RHAG: variants seen among roughly 807,000 people sequenced by gnomAD.
The protein encoded by RHAG is ammonium transporter Rh type A.
Under a neutral mutation model 42.4 loss-of-function variants are expected in RHAG, and 25 were observed. The observed-to-expected ratio is 0.59, with a 90% confidence interval of 0.43 to 0.82. The LOEUF is 0.82. Ranked by LOEUF, RHAG falls within the 40% of genes least tolerant of loss-of-function variation. The probability of loss-of-function intolerance (pLI) is 0.00; values close to 1 mark genes in which losing one functional copy is unlikely to be tolerated. For missense variants in RHAG, 483 were observed against 504.6 expected, an observed-to-expected ratio of 0.96 and a Z score of 0.41; for synonymous variants, 182 against 177.7, an observed-to-expected ratio of 1.02 and a Z score of -0.19.
intron 1 of RHAG, among the ~76,000 whole-genome samples, chr6:49,631,455 C>T (rs1762935323): frequency 6.6e-6 from 1 of 152,128 alleles, no homozygotes; most frequent in Non-Finnish European, 1.5e-5. Flanking sequence ...TTTCTATGGG[C>T]TTATTGAATC....
At chr6:49,611,851 C>T (rs1307759182) in intron 6 of RHAG, among the ~76,000 whole-genome samples, 1 of 151,756 alleles carries the variant, frequency 6.6e-6, no homozygotes, top group Non-Finnish European at 1.5e-5. Context: ...AAGTGATTCT[C>T]CTGCCTTAGC....
intron 5 of RHAG, 39 bp downstream of exon 5, chr6:49,614,648 G>A: frequency 6.2e-7 from 1 of 1,602,682 alleles, no homozygotes; most frequent in Non-Finnish European, 8.5e-7. Context: ...TGTCAGTGTT[G>A]TGAAGCAAAA....
intron 1 of RHAG, among the ~76,000 whole-genome samples, chr6:49,624,271 T>A (rs1350761524): frequency 6.6e-6 from 1 of 152,294 alleles, no homozygotes; most frequent in African/African-American, 2.4e-5. Context: ...AGTGGCGCAA[T>A]CTCGGCTCAC....
chr6:49,614,244 G>C (rs950287194), intron 5 of RHAG, among the ~76,000 whole-genome samples: 3 of 150,996 alleles, frequency 2.0e-5, no homozygotes, highest in Non-Finnish European at 4.4e-5. Flanking sequence ...CTAGTCTGGA[G>C]TGCAATGGCA....
At chr6:49,610,909 G>T in intron 7 of RHAG, 115 bp downstream of exon 7, 1 of 1,304,974 alleles carries the variant, frequency 7.7e-7, no homozygotes, top group Non-Finnish European at 1.1e-6. Context: ...TTTGGCTCCA[G>T]TAAAGACAAT....
intron 1 of RHAG, among the ~76,000 whole-genome samples, chr6:49,631,093 C>T (rs1170825819): frequency 6.6e-6 from 1 of 152,090 alleles, no homozygotes; most frequent in African/African-American, 2.4e-5. Context: ...TTGTGTACTT[C>T]CCACTAGATC....
intron 1 of RHAG, among the ~76,000 whole-genome samples, chr6:49,623,367 A>G (rs1387728946): frequency 6.6e-6 from 1 of 152,198 alleles, no homozygotes; most frequent in Non-Finnish European, 1.5e-5. Flanking sequence ...GGATTATTGC[A>G]TTATCATTTA....
At chr6:49,631,900 G>A (rs1188146644) in intron 1 of RHAG, 1 of 152,204 alleles carries the variant, frequency 6.6e-6, no homozygotes, top group Non-Finnish European at 1.5e-5. Flanking sequence ...TTACACAGTA[G>A]AAATCAGCTA....
chr6:49,628,258 C>T (rs1397201622), intron 1 of RHAG, among the ~76,000 whole-genome samples: 1 of 151,946 alleles, frequency 6.6e-6, no homozygotes, highest in African/African-American at 2.4e-5. Context: ...CTCCTGCCTC[C>T]GCCTCCTGAG....
intron 7 of RHAG, among the ~76,000 whole-genome samples, chr6:49,608,847 T>G (rs1200316573): frequency 6.6e-6 from 1 of 152,178 alleles, no homozygotes; most frequent in African/African-American, 2.4e-5. Context: ...TGATTATGAG[T>G]GAAGTTGAGT....
chr6:49,606,266 A>C (rs1774162065), intron 9 of RHAG, among the ~76,000 whole-genome samples: 1 of 152,116 alleles, frequency 6.6e-6, no homozygotes, highest in Middle Eastern at 3.2e-3. Context: ...ATTATGTTAA[A>C]TTTCTTTTGT....
At chr6:49,618,486 C>T (rs546367402) in intron 2 of RHAG, among the ~76,000 whole-genome samples, 3 of 152,052 alleles carry the variant, frequency 2.0e-5, no homozygotes, top group Non-Finnish European at 2.9e-5. Flanking sequence ...TTTACTATTG[C>T]ACAACAAGAA....
Position 49,605,798 on chromosome 6 carries a change from G to C in RHAG, c.*15C>G. On this transcript the variant is annotated 3_prime_UTR_variant, in exon 10 of 10. Transcript: ENST00000371175. ...GCTGGCTGTGGTCACCATGTCCATG[G>C]AACTGATTGTCAAGTTATCTCGTCT... is the stretch of plus-strand genomic sequence containing the variant. The C allele has an allele frequency of 1.2e-6, 2 of 1,612,308 alleles. No homozygotes were observed. The highest frequency in any genetic ancestry group is 1.7e-6 in the Non-Finnish European group (2 of 1,178,454).
At chr6:49,628,158 A>G (rs1266461905) in intron 1 of RHAG, among the ~76,000 whole-genome samples, 8 of 128,358 alleles carry the variant, frequency 6.2e-5, no homozygotes, top group Admixed American at 5.8e-4. Context: ...ACACACACAC[A>G]CACAGAGAGA....
In RHAG at chr6:49,611,250, A is replaced by C. The variant is rs565982397; in HGVS notation, c.946-105T>G. 2.6e-4 allele frequency: 226 copies of C among 860,668 alleles called. 1 individual carries two copies. The African/African-American group carries it at 3.6e-3, about 14-fold the overall frequency. The allele number at this position is 860,668 out of a possible 1,614,324, so 53.3% of individuals were successfully genotyped here. ...CTCTATTCTTCCATGGAGAAAAAGT[A>C]TTTTATAAATAATTTTTATGTATAT... is the stretch of plus-strand genomic sequence containing the variant. On this transcript the variant is annotated intron_variant, in intron 6 of 9. Transcript: ENST00000371175.
At position 49,636,668 on chromosome 6, in the gene RHAG, C is replaced by G. The variant is rs141969178; in HGVS notation, c.145G>C (p.Glu49Gln). Reference sequence around the variant, plus strand: ...ATTGCCTACTCACGAGGATATAACTCAAAGAATATGCCCATGTCTGTTGGC... The same window carrying G: ...ATTGCCTACTCACGAGGATATAACTGAAAGAATATGCCCATGTCTGTTGGC... Reference protein sequence around the residue: ...TKPTDMGIFFELYPLFQDVHV... With the variant: ...TKPTDMGIFFQLYPLFQDVHV... The change falls in exon 1 of 10, where the codon GAG becomes CAG. Residue 49 changes from glutamate (E) to glutamine (Q), a missense_variant. Transcript: ENST00000371175. 45 of 1,613,690 alleles carry G rather than the reference C, an allele frequency of 2.8e-5. No homozygotes were observed. In the African/African-American group the frequency reaches 5.3e-4, roughly 19 times the overall value.
rs762513457 is a variant in RHAG, at chr6:49,615,652, T to C, written c.612A>G (p.Ala204=). 1 of 1,614,164 alleles carries C rather than the reference T, an allele frequency of 6.2e-7. No individual in the cohort carries two copies. Among genetic ancestry groups the C allele is most frequent in the Non-Finnish European group, 8.5e-7 (1 of 1,180,026 alleles). ...LRKGHENEES[A]YYSDLFAMIG... is the part of the protein sequence containing the mutation. ...TCATTGCAAACAAGTCTGAGTAGTATGCGGACTCTTCATTTTCATGCCCCT... is the reference window on the plus strand; with the variant it reads ...TCATTGCAAACAAGTCTGAGTAGTACGCGGACTCTTCATTTTCATGCCCCT... The change falls in exon 4 of 10, where the codon GCA becomes GCG. Residue 204 remains alanine (A), a synonymous_variant. Coordinates refer to ENST00000371175, the MANE Select transcript of RHAG (RefSeq NM_000324.3).
At chr6:49,615,898 T>G (rs538172562) in intron 3 of RHAG, 127 bp from the exon 4 acceptor site, 7 of 937,410 alleles carry the variant, frequency 7.5e-6, no homozygotes, top group East Asian at 5.1e-5. Context: ...ACAGAAAGAT[T>G]GTGTCAGAGA....
chr6:49,610,113 A>C (rs1762548796), intron 7 of RHAG, among the ~76,000 whole-genome samples: 1 of 152,118 alleles, frequency 6.6e-6, no homozygotes, highest in Non-Finnish European at 1.5e-5. Context: ...ACAAATACCT[A>C]ATGCACACGG....
Sources: allele counts gnomAD v4.1 joint callset (sites outside exome capture counted in the v4.1 genomes callset), GRCh38; gene constraint gnomAD v4.1.1; transcripts MANE v1.5; gene names NCBI Gene and HGNC (gene_info 2026-07-23, HGNC 2026-07-21).